TBC1D22A: variants seen among roughly 807,000 people sequenced by gnomAD.
The protein encoded by TBC1D22A is TBC1 domain family member 22A, also known as putative GTPase activator.
In TBC1D22A, 38 loss-of-function variants were observed where a neutral mutation model predicts 60.2. The observed-to-expected ratio is 0.63, with a 90% confidence interval of 0.49 to 0.83. The LOEUF is 0.83. TBC1D22A is among the 40% of genes least tolerant of loss of function. The pLI, the probability that TBC1D22A is intolerant of heterozygous loss-of-function variation, is 0.00. For missense variants in TBC1D22A, 628 were observed against 701.0 expected, an observed-to-expected ratio of 0.90 and a Z score of 1.18; for synonymous variants, 302 against 281.7, an observed-to-expected ratio of 1.07 and a Z score of -0.72.
intron 4 of TBC1D22A, among the ~76,000 whole-genome samples, chr22:46,847,737 C>T (rs2087067795): frequency 6.6e-6 from 1 of 152,226 alleles, no homozygotes; most frequent in African/African-American, 2.4e-5. Context: ...GTAGTAGAGG[C>T]ACCCAGGCTT....
chr22:47,011,949 A>T (rs573477652), intron 10 of TBC1D22A, among the ~76,000 whole-genome samples: 2 of 152,048 alleles, frequency 1.3e-5, no homozygotes, highest in South Asian at 4.2e-4. Context: ...CCTTGCTTAC[A>T]TCTGAGATTT....
intron 1 of TBC1D22A, among the ~76,000 whole-genome samples, chr22:46,774,427 A>G (rs969492876): frequency 9.2e-5 from 14 of 152,194 alleles, no homozygotes; most frequent in African/African-American, 3.4e-4. Flanking sequence ...TTTTCTGGTG[A>G]TAAACATGGA....
At chr22:46,782,094 G>A (rs539040164) in intron 1 of TBC1D22A, among the ~76,000 whole-genome samples, 65 of 152,306 alleles carry the variant, frequency 4.3e-4, no homozygotes, top group Non-Finnish European at 6.8e-4. Context: ...TCACTCTGTC[G>A]CCTAGGCTGG....
At chr22:46,913,438 C>T in intron 8 of TBC1D22A, 1 of 1,364,126 alleles carries the variant, frequency 7.3e-7, no homozygotes, top group Non-Finnish European at 9.8e-7. Flanking sequence ...AAGATGAGGA[C>T]ATATCCAAGT....
rs1333311907 is a variant in TBC1D22A at position 47,004,651 on chromosome 22, CAG to C, written c.1201+6944_1201+6945del. On this transcript the variant is annotated intron_variant, in intron 10 of 12. Coordinates refer to ENST00000337137, the MANE Select transcript of TBC1D22A (RefSeq NM_014346.5). Reference sequence around the variant, plus strand: ...ACATACACACCTCTGTATACACACTCAGATGCCTATATACACACACACCTACA... The same window carrying C: ...ACATACACACCTCTGTATACACACTCATGCCTATATACACACACACCTACA... 1.3e-4 allele frequency among the ~76,000 whole-genome samples: 19 copies of C among 146,866 alleles called. No individual in the cohort carries two copies. The South Asian group carries it at 1.5e-3, about 11-fold the overall frequency.
intron 7 of TBC1D22A, among the ~76,000 whole-genome samples, chr22:46,903,578 T>G (rs113928084): frequency 0.025 from 3,798 of 152,050 alleles, 162 homozygotes; most frequent in African/African-American, 0.088. Flanking sequence ...CCTGAGGGAG[T>G]TGCGAGGAAT....
chr22:46,856,268 GAT>G (rs1294594314), intron 4 of TBC1D22A, among the ~76,000 whole-genome samples: 1 of 152,200 alleles, frequency 6.6e-6, no homozygotes, highest in African/African-American at 2.4e-5. Flanking sequence ...GCATCAGAAC[GAT>G]TATGCTTGCT....
chr22:47,127,306 C>A (rs1312951706), intron 12 of TBC1D22A, among the ~76,000 whole-genome samples: 1 of 148,692 alleles, frequency 6.7e-6, no homozygotes, highest in Non-Finnish European at 1.5e-5. Context: ...TGGCTCACTG[C>A]AACCTCCGCC....
At chr22:46,873,902 T>G (rs131862) in intron 4 of TBC1D22A, among the ~76,000 whole-genome samples, 81,665 of 151,994 alleles carry the variant, frequency 0.54, 22,439 homozygotes, top group East Asian at 0.69. Context: ...GTTCACACCA[T>G]TCTTCTGCCT....
intron 8 of TBC1D22A, among the ~76,000 whole-genome samples, chr22:46,956,975 G>A (rs1430057550): frequency 6.6e-6 from 1 of 152,246 alleles, no homozygotes; most frequent in African/African-American, 2.4e-5. Flanking sequence ...AGGAACCCAG[G>A]GAAAGGCTGG....
intron 2 of TBC1D22A, chr22:46,792,834 TG>T: frequency 7.0e-7 from 1 of 1,438,026 alleles, no homozygotes; most frequent in Non-Finnish European, 9.1e-7. Flanking sequence ...AGCCAGGAGC[TG>T]GCATCCTTTA....
At chr22:47,154,681 C>A (rs73481607) in intron 12 of TBC1D22A, among the ~76,000 whole-genome samples, 2 of 152,208 alleles carry the variant, frequency 1.3e-5, no homozygotes, top group Non-Finnish European at 2.9e-5. Flanking sequence ...CGAGTTCAGA[C>A]GGCAGCTCTG....
intron 4 of TBC1D22A, among the ~76,000 whole-genome samples, chr22:46,851,417 C>T (rs904786968): frequency 1.3e-5 from 2 of 152,358 alleles, no homozygotes; most frequent in African/African-American, 2.4e-5. Flanking sequence ...CCCCTTCCAG[C>T]GGGAGAGGCT....
chr22:47,032,950 G>T (rs886546266), intron 10 of TBC1D22A, among the ~76,000 whole-genome samples: 1 of 152,204 alleles, frequency 6.6e-6, no homozygotes, highest in Non-Finnish European at 1.5e-5. Context: ...TTCCTCAGGC[G>T]CTTTGTTTCA....
chr22:46,939,058 C>G (rs1000300893), intron 8 of TBC1D22A, among the ~76,000 whole-genome samples: 2 of 115,870 alleles, frequency 1.7e-5, no homozygotes, highest in Non-Finnish European at 3.7e-5. Flanking sequence ...TGAAAACAAT[C>G]TGGAGACACC....
At chr22:46,888,091 C>A (rs1330305306) in intron 5 of TBC1D22A, among the ~76,000 whole-genome samples, 2 of 152,210 alleles carry the variant, frequency 1.3e-5, no homozygotes, top group African/African-American at 2.4e-5. Flanking sequence ...GTGGCCGCCG[C>A]AACTCCACAC....
At chr22:46,915,290 A>T in intron 8 of TBC1D22A, 1 of 413,430 alleles carries the variant, frequency 2.4e-6, no homozygotes. Context: ...CCCTCCAGAG[A>T]GGCTATTCTG....
intron 12 of TBC1D22A, among the ~76,000 whole-genome samples, chr22:47,124,503 A>C (rs1230407555): frequency 1.3e-5 from 2 of 152,200 alleles, no homozygotes; most frequent in Non-Finnish European, 2.9e-5. Context: ...TGGCATGGGC[A>C]TGCAGGTGGA....
chr22:46,953,654 TA>T (rs2073035585), intron 8 of TBC1D22A, among the ~76,000 whole-genome samples: 1 of 152,262 alleles, frequency 6.6e-6, no homozygotes. Context: ...TTACCAGTTT[TA>T]TTCCCAGTCC....
Sources: allele counts gnomAD v4.1 joint callset (sites outside exome capture counted in the v4.1 genomes callset), GRCh38; gene constraint gnomAD v4.1.1; transcripts MANE v1.5; gene names NCBI Gene and HGNC (gene_info 2026-07-23, HGNC 2026-07-21).